The following CCDC91 variants were observed in gnomAD, a reference collection of about 807,000 sequenced individuals.
CCDC91 encodes coiled-coil domain containing 91.
CCDC91 carries 48 observed loss-of-function variants against 63.2 expected under a neutral mutation model. The ratio of observed to expected loss-of-function variants is 0.76; its 90% CI spans 0.60 to 0.97. The LOEUF (loss-of-function observed/expected upper bound fraction) is 0.97, where lower values mean the gene tolerates loss of function less well. CCDC91 is among the 50% of genes least tolerant of loss of function. The probability of loss-of-function intolerance (pLI) is 0.00; values close to 1 mark genes in which losing one functional copy is unlikely to be tolerated. For missense variants in CCDC91, 500 were observed against 494.6 expected, an observed-to-expected ratio of 1.01 and a Z score of -0.10; for synonymous variants, 167 against 165.8, an observed-to-expected ratio of 1.01 and a Z score of -0.06.
At chr12:28,335,107 T>C (rs1941831881) in intron 6 of CCDC91, among the ~76,000 whole-genome samples, 2 of 143,476 alleles carry the variant, frequency 1.4e-5, no homozygotes, top group South Asian at 2.1e-4. Context: ...AAAATATAAA[T>C]ATACATTTAT....
At chr12:28,374,453 T>G (rs760737400) in intron 7 of CCDC91, among the ~76,000 whole-genome samples, 9 of 152,174 alleles carry the variant, frequency 5.9e-5, no homozygotes, top group Non-Finnish European at 1.2e-4. Flanking sequence ...GAATATATAT[T>G]TTGGGTTTAT....
At chr12:28,289,348 T>G (rs1189660279) in intron 3 of CCDC91, among the ~76,000 whole-genome samples, 1 of 152,182 alleles carries the variant, frequency 6.6e-6, no homozygotes, top group Non-Finnish European at 1.5e-5. Flanking sequence ...TAACACTGTC[T>G]TAGCTGTGTC....
intron 8 of CCDC91, among the ~76,000 whole-genome samples, chr12:28,438,049 G>A (rs1007548490): frequency 1.3e-5 from 2 of 152,120 alleles, no homozygotes; most frequent in African/African-American, 4.8e-5. Flanking sequence ...AGAGTGTAAG[G>A]ATGTTTATGA....
chr12:28,500,030 C>T (rs926797727), intron 12 of CCDC91, among the ~76,000 whole-genome samples: 6 of 151,962 alleles, frequency 3.9e-5, no homozygotes, highest in Admixed American at 6.6e-5. Flanking sequence ...TTTTAATGAT[C>T]GCCATTCTAA....
At chr12:28,471,851 G>C (rs919859747) in intron 11 of CCDC91, among the ~76,000 whole-genome samples, 2 of 151,968 alleles carry the variant, frequency 1.3e-5, no homozygotes, top group Non-Finnish European at 2.9e-5. Context: ...CCGGGTTCAA[G>C]CAATTCTCGT....
chr12:28,418,757 A>G (rs1947830162), intron 8 of CCDC91, among the ~76,000 whole-genome samples: 1 of 152,150 alleles, frequency 6.6e-6, no homozygotes, highest in Non-Finnish European at 1.5e-5. Flanking sequence ...CTTCTTCCTT[A>G]AATTAAATAA....
At chr12:28,325,375 C>T (rs1255879561) in intron 6 of CCDC91, among the ~76,000 whole-genome samples, 3 of 151,932 alleles carry the variant, frequency 2.0e-5, no homozygotes, top group Non-Finnish European at 2.9e-5. Context: ...TTAAAAGATG[C>T]CTTCTATGTT....
rs1470900823 is a variant in CCDC91 at position 28,440,866 on chromosome 12, C to T, written c.763-9295C>T. ...CTGAGCTCAGGAGTTCAAGACCAGCCTGGGCAACACGGTGAAACCCTGTCT... is the reference window on the plus strand; with the variant it reads ...CTGAGCTCAGGAGTTCAAGACCAGCTTGGGCAACACGGTGAAACCCTGTCT... On this transcript the variant is annotated intron_variant, in intron 8 of 12. Transcript: ENST00000536442. 1.3e-4 allele frequency among the ~76,000 whole-genome samples: 19 copies of T among 151,704 alleles called. 1 individual carries two copies. The highest frequency in any genetic ancestry group is 1.2e-3 in the Admixed American group (19 of 15,220).
intron 3 of CCDC91, among the ~76,000 whole-genome samples, chr12:28,298,052 T>C (rs1302727616): frequency 1.3e-5 from 2 of 151,782 alleles, no homozygotes; most frequent in Non-Finnish European, 3.0e-5. Context: ...CTGTAGAGGT[T>C]TAACTGAAAA....
intron 12 of CCDC91, among the ~76,000 whole-genome samples, chr12:28,547,703 TGGAATTGAAG>T (rs1943085716): frequency 6.6e-6 from 1 of 152,172 alleles, no homozygotes; most frequent in Admixed American, 6.5e-5. Context: ...CTCCGAATAT[TGGAATTGAAG>T]GGATTCAGTA....
chr12:28,229,064 A>C (rs558653210), intron 1 of CCDC91, among the ~76,000 whole-genome samples: 1 of 152,160 alleles, frequency 6.6e-6, no homozygotes, highest in Admixed American at 6.5e-5. Flanking sequence ...CTTCTCAGGG[A>C]GGTGTATACA....
At chr12:28,263,811 T>C (rs1946986484) in intron 3 of CCDC91, among the ~76,000 whole-genome samples, 1 of 152,036 alleles carries the variant, frequency 6.6e-6, no homozygotes, top group African/African-American at 2.4e-5. Flanking sequence ...CAATGTGTAG[T>C]AATTATTTCT....
At chr12:28,308,437 C>G (rs769509409) in intron 6 of CCDC91, among the ~76,000 whole-genome samples, 6 of 152,006 alleles carry the variant, frequency 3.9e-5, no homozygotes, top group Non-Finnish European at 7.4e-5. Flanking sequence ...CCACTGTGAT[C>G]TGATTGAAAC....
chr12:28,428,778 A>C (rs1948472660), intron 8 of CCDC91, among the ~76,000 whole-genome samples: 2 of 152,018 alleles, frequency 1.3e-5, no homozygotes, highest in Non-Finnish European at 1.5e-5. Context: ...AAAATATGAT[A>C]ATCTTTCTCA....
intron 6 of CCDC91, among the ~76,000 whole-genome samples, chr12:28,330,778 G>A (rs1174781092): frequency 6.6e-6 from 1 of 152,154 alleles, no homozygotes; most frequent in East Asian, 1.9e-4. Flanking sequence ...AGGGGTTGCA[G>A]CTAGACTGAT....
Position 28,411,623 on chromosome 12 carries a change from G to C in CCDC91, c.762+20212G>C, listed in dbSNP as rs185630182. Among the ~76,000 whole-genome samples, 78 of 152,226 alleles carry C rather than the reference G, an allele frequency of 5.1e-4. 1 individual carries two copies. The highest frequency in any genetic ancestry group is 8.8e-5 in the Non-Finnish European group (6 of 68,004). On this transcript the variant is annotated intron_variant, in intron 8 of 12. Coordinates refer to ENST00000536442, the MANE Select transcript of CCDC91 (RefSeq NM_018318.5). ...CTCTTTCCTTCCTGTACCCATAATTGTTTAGTATAGTCATCCACTGAATAA... is the reference window on the plus strand; with the variant it reads ...CTCTTTCCTTCCTGTACCCATAATTCTTTAGTATAGTCATCCACTGAATAA...
chr12:28,348,362 T>G (rs1289320194), intron 6 of CCDC91, among the ~76,000 whole-genome samples: 14 of 152,162 alleles, frequency 9.2e-5, no homozygotes, highest in Admixed American at 2.6e-4. Context: ...GGAACATGCC[T>G]AGATTCAGCC....
At chr12:28,378,788 G>A (rs369610201) in intron 7 of CCDC91, among the ~76,000 whole-genome samples, 19 of 152,178 alleles carry the variant, frequency 1.2e-4, no homozygotes, top group African/African-American at 4.3e-4. Flanking sequence ...ATGCTAGCTA[G>A]ATACTAGTGA....
At chr12:28,443,251 AAG>A (rs1491040710) in intron 8 of CCDC91, among the ~76,000 whole-genome samples, 20 of 151,734 alleles carry the variant, frequency 1.3e-4, no homozygotes, top group Admixed American at 1.3e-3. Flanking sequence ...AAAAAAAAAA[AAG>A]AGAGTTAAGC....
Sources: allele counts gnomAD v4.1 joint callset (sites outside exome capture counted in the v4.1 genomes callset), GRCh38; gene constraint gnomAD v4.1.1; transcripts MANE v1.5; gene names NCBI Gene and HGNC (gene_info 2026-07-23, HGNC 2026-07-21).